Variants in ARL17A observed in about 807,000 individuals in gnomAD.
ARL17A encodes ARF like GTPase 17A, also known as ADP-ribosylation factor-like 17-like.
At chr17:46,500,665 C>A in the ARL17A span, among the ~76,000 whole-genome samples, 1 of 150,970 alleles carries the variant, frequency 6.6e-6, no homozygotes, top group South Asian at 2.1e-4. Flanking sequence ...AATAGCAAAT[C>A]CCTTGTTGAG....
chr17:46,511,138 CTAAA>C, the ARL17A span, among the ~76,000 whole-genome samples: 1 of 110,250 alleles, frequency 9.1e-6, no homozygotes, highest in African/African-American at 3.5e-5. Context: ...GGGATTGTTT[CTAAA>C]TTAATCTCAA....
intron 4 of ARL17A, among the ~76,000 whole-genome samples, chr17:46,534,412 C>T (rs9915553): frequency 0.47 from 69,068 of 145,730 alleles, 17,604 homozygotes; most frequent in South Asian, 0.71. Flanking sequence ...AACGAGCATG[C>T]TGCTTTCAAG....
chr17:46,541,189 T>C (rs990632537), intron 3 of ARL17A, among the ~76,000 whole-genome samples: 2 of 147,042 alleles, frequency 1.4e-5, no homozygotes, highest in African/African-American at 5.3e-5. Flanking sequence ...TTTTCCAGAA[T>C]GTCTTATAAA....
At chr17:46,537,031 G>T (rs1178052237) in intron 4 of ARL17A, among the ~76,000 whole-genome samples, 17 of 49,270 alleles carry the variant, frequency 3.5e-4, no homozygotes, top group African/African-American at 1.9e-3. Flanking sequence ...GTTGCTGCAA[G>T]ACTTTGGTTA....
At chr17:46,536,986 C>A (rs2054622663) in intron 4 of ARL17A, among the ~76,000 whole-genome samples, 1 of 14,562 alleles carries the variant, frequency 6.9e-5, no homozygotes. Context: ...TCTCACTGTT[C>A]TTACAGAAAT....
chr17:46,562,188 CA>C (rs2057514567), intron 3 of ARL17A, among the ~76,000 whole-genome samples: 1 of 19,254 alleles, frequency 5.2e-5, no homozygotes, highest in African/African-American at 7.9e-5. Context: ...CATGTTCACA[CA>C]TCACTGCAGT....
At position 46,556,293 on chromosome 17, in the gene ARL17A, AAC is replaced by A. The variant is rs1346472294; in HGVS notation, c.*1061_*1062del. Reference sequence around the variant, plus strand: ...TAGAACAGCTCATGGAACCCAGGAAAACAGTTTTCTTACTAGTGCTGATTTAT... The same window carrying A: ...TAGAACAGCTCATGGAACCCAGGAAAAGTTTTCTTACTAGTGCTGATTTAT... On this transcript the variant is annotated 3_prime_UTR_variant, in exon 4 of 4. Transcript: ENST00000336125. 1 of 72,458 alleles carries A rather than the reference AAC, an allele frequency of 1.4e-5. No individual in the cohort carries two copies. The highest frequency in any genetic ancestry group is 2.3e-5 in the Non-Finnish European group (1 of 42,906). The allele number at this position is 72,458 out of a possible 1,614,324, so 4.5% of individuals were successfully genotyped here. A position where few individuals can be genotyped will look rare whatever the true frequency, so the allele number is the denominator to read the frequency against.
At chr17:46,558,447 C>A (rs1201974828) in intron 3 of ARL17A, among the ~76,000 whole-genome samples, 2 of 115,744 alleles carry the variant, frequency 1.7e-5, no homozygotes, top group Non-Finnish European at 3.5e-5. Flanking sequence ...AGTGCAGCAG[C>A]GTGATCTCGG....
downstream of ARL17A, chr17:46,512,639 CATAA>C (rs1275312544): frequency 8.8e-5 from 29 of 331,318 alleles, no homozygotes; most frequent in South Asian, 2.1e-4. Context: ...AGATCTGTGA[CATAA>C]ATAAAGGTGT....
intron 3 of ARL17A, among the ~76,000 whole-genome samples, chr17:46,558,082 G>A (rs1456369464): frequency 2.9e-5 from 4 of 136,482 alleles, no homozygotes; most frequent in Admixed American, 2.9e-4. Flanking sequence ...CTTTTAAGGT[G>A]GAGTTTTGCT....
chr17:46,551,276 CTTT>C (rs2056787172), downstream of ARL17A, among the ~76,000 whole-genome samples: 2 of 149,706 alleles, frequency 1.3e-5, no homozygotes, highest in Non-Finnish European at 2.9e-5. Context: ...TTGCCTCTGT[CTTT>C]TGTTCGATTA....
chr17:46,534,798 C>T (rs1246734477), intron 4 of ARL17A, among the ~76,000 whole-genome samples: 5 of 147,558 alleles, frequency 3.4e-5, no homozygotes, highest in Admixed American at 1.3e-4. Flanking sequence ...CCCCACCTCC[C>T]GGAGGGGGCG....
chr17:46,558,080 GT>G (rs1267273785), intron 3 of ARL17A, among the ~76,000 whole-genome samples: 6 of 136,820 alleles, frequency 4.4e-5, no homozygotes, highest in African/African-American at 1.7e-4. Flanking sequence ...TTCTTTTAAG[GT>G]GGAGTTTTGC....
downstream of ARL17A, chr17:46,549,355 A>G (rs576422074): frequency 2.2e-4 from 350 of 1,590,834 alleles, 5 homozygotes; most frequent in East Asian, 5.5e-3. Flanking sequence ...TATGGAAAAC[A>G]CTAACATGCC....
At chr17:46,501,046 G>A in the ARL17A span, among the ~76,000 whole-genome samples, 1 of 151,284 alleles carries the variant, frequency 6.6e-6, no homozygotes, top group Non-Finnish European at 1.5e-5. Flanking sequence ...AGCTGGGCAT[G>A]GTGGTGGTAC....
intron 3 of ARL17A, among the ~76,000 whole-genome samples, chr17:46,545,936 T>C (rs1435772420): frequency 6.8e-6 from 1 of 148,102 alleles, no homozygotes; most frequent in Non-Finnish European, 1.5e-5. Flanking sequence ...CTTAAAAGTC[T>C]ACCTTCTTCC....
At chr17:46,545,119 GATCTTCC>G in intron 3 of ARL17A, among the ~76,000 whole-genome samples, 1 of 129,934 alleles carries the variant, frequency 7.7e-6, no homozygotes, top group South Asian at 2.3e-4. Context: ...TGACTAAGGT[GATCTTCC>G]AGGTCTCTCC....
downstream of ARL17A, among the ~76,000 whole-genome samples, chr17:46,551,457 C>G (rs1598547296): frequency 1.4e-5 from 2 of 148,138 alleles, no homozygotes; most frequent in East Asian, 3.9e-4. Flanking sequence ...CCTCACCAAA[C>G]CCCAGTCACA....
At chr17:46,541,782 T>C (rs2055369361) in intron 3 of ARL17A, among the ~76,000 whole-genome samples, 1 of 150,954 alleles carries the variant, frequency 6.6e-6, no homozygotes, top group African/African-American at 2.5e-5. Flanking sequence ...ATTAGGTACT[T>C]AGAGTATACC....
Sources: allele counts gnomAD v4.1 joint callset (sites outside exome capture counted in the v4.1 genomes callset), GRCh38; gene constraint gnomAD v4.1.1; transcripts MANE v1.5; gene names NCBI Gene and HGNC (gene_info 2026-07-23, HGNC 2026-07-21).